Variants in MED13L observed in about 807,000 individuals in gnomAD.
MED13L encodes the protein mediator of RNA polymerase II transcription subunit 13-like.
In MED13L, 7 loss-of-function variants were observed where a neutral mutation model predicts 220.9. The observed-to-expected ratio is 0.03, with a 90% CI of 0.02 to 0.06. The LOEUF is 0.06. Among genes scored for constraint, MED13L ranks in the 10% least tolerant of loss-of-function variants. The pLI is 1.00. For missense variants in MED13L, 1,965 were observed against 2,760.5 expected (o/e 0.71, Z 6.46); for synonymous variants, 1,011 against 1,015.2 (o/e 1.00, Z 0.08).
intron 4 of MED13L, among the ~76,000 whole-genome samples, chr12:116,035,854 G>A (rs967075320): frequency 6.6e-6 from 1 of 152,060 alleles, no homozygotes; most frequent in Non-Finnish European, 1.5e-5. Flanking sequence ...TGGGATTACA[G>A]ACCTGAGCCA....
At chr12:116,192,699 A>C (rs1881359415) in intron 2 of MED13L, among the ~76,000 whole-genome samples, 1 of 152,204 alleles carries the variant, frequency 6.6e-6, no homozygotes, top group Non-Finnish European at 1.5e-5. Flanking sequence ...AATTAAAAAA[A>C]CAACCCTGAC....
At chr12:116,206,278 A>C (rs1882324571) in intron 2 of MED13L, among the ~76,000 whole-genome samples, 1 of 151,828 alleles carries the variant, frequency 6.6e-6, no homozygotes, top group Admixed American at 6.6e-5. Context: ...ACGGTGTTTC[A>C]CCGTGTTGGC....
intron 2 of MED13L, among the ~76,000 whole-genome samples, chr12:116,232,780 TTG>T (rs972509070): frequency 2.0e-5 from 3 of 152,150 alleles, no homozygotes; most frequent in African/African-American, 7.2e-5. Context: ...GGCGAGAATA[TTG>T]TGTTTATTTA....
chr12:116,181,568 C>A (rs111774150), intron 2 of MED13L, among the ~76,000 whole-genome samples: 2 of 152,234 alleles, frequency 1.3e-5, no homozygotes, highest in African/African-American at 4.8e-5. Flanking sequence ...AGTGCAATGG[C>A]GTGATCTCGG....
intron 1 of MED13L, among the ~76,000 whole-genome samples, chr12:116,264,425 G>C (rs1872697941): frequency 6.6e-6 from 1 of 152,128 alleles, no homozygotes; most frequent in Admixed American, 6.5e-5. Context: ...TAAAATGATT[G>C]CTGCAATCAA....
At chr12:116,230,609 C>G (rs1334063164) in intron 2 of MED13L, 8 of 319,130 alleles carry the variant, frequency 2.5e-5, no homozygotes, top group Non-Finnish European at 3.6e-5. Context: ...CAATGACTCA[C>G]AAATTTAATA....
In MED13L at chr12:115,983,254, T is replaced by C. The variant is rs1364273549; in HGVS notation, c.4818A>G (p.Gly1606=). The C allele has an allele frequency of 1.9e-6, 3 of 1,614,116 alleles. No homozygotes were observed. In the Admixed American group the frequency reaches 5.0e-5, roughly 27 times the overall value. The change falls in exon 21 of 31, where the codon GGA becomes GGG. Residue 1606 remains glycine (G), a synonymous_variant. Transcript: ENST00000281928. The stretch of plus-strand genomic sequence containing the variant: ...TCTGCCCTCCAACACTACCACTGAA[T>C]CCTGAAGAAGAGGTAGTGCTTATCT... ...ISQISTTSSS[G]FSGSVGGQNP...
At chr12:116,209,420 A>AG (rs1223652340) in intron 2 of MED13L, among the ~76,000 whole-genome samples, 1 of 152,204 alleles carries the variant, frequency 6.6e-6, no homozygotes, top group Non-Finnish European at 1.5e-5. Flanking sequence ...CACATGTGCT[A>AG]GAACATATAT....
At chr12:116,100,010 C>A (rs551567271) in intron 3 of MED13L, among the ~76,000 whole-genome samples, 5 of 152,230 alleles carry the variant, frequency 3.3e-5, no homozygotes, top group Non-Finnish European at 7.4e-5. Flanking sequence ...TCTCTGTGAT[C>A]AATGATTTCC....
chr12:116,122,585 T>C (rs1875195781), intron 2 of MED13L, among the ~76,000 whole-genome samples: 1 of 152,166 alleles, frequency 6.6e-6, no homozygotes, highest in South Asian at 2.1e-4. Context: ...ATAAGAATCA[T>C]GGATAGAAGA....
intron 2 of MED13L, among the ~76,000 whole-genome samples, chr12:116,234,485 C>T (rs1208225882): frequency 6.6e-6 from 1 of 152,024 alleles, no homozygotes; most frequent in Non-Finnish European, 1.5e-5. Flanking sequence ...CTGCCTAGGC[C>T]TCCCAAAGTG....
chr12:116,049,080 C>T (rs1882004198), intron 4 of MED13L, among the ~76,000 whole-genome samples: 1 of 152,192 alleles, frequency 6.6e-6, no homozygotes, highest in Admixed American at 6.5e-5. Flanking sequence ...TTCTACTAGA[C>T]ATATGCTGAC....
intron 2 of MED13L, among the ~76,000 whole-genome samples, chr12:116,122,101 A>T (rs573521911): frequency 9.5e-5 from 14 of 147,678 alleles, no homozygotes; most frequent in African/African-American, 3.3e-4. Flanking sequence ...CGTAGTGTTT[A>T]AAAAAAAAAA....
chr12:116,041,958 C>A (rs916682580), intron 4 of MED13L, among the ~76,000 whole-genome samples: 2 of 152,162 alleles, frequency 1.3e-5, no homozygotes, highest in African/African-American at 4.8e-5. Context: ...GGAGACAACT[C>A]AGGAGAGAGA....
At chr12:115,973,065 C>T (rs554081309) in intron 25 of MED13L, among the ~76,000 whole-genome samples, 1 of 152,300 alleles carries the variant, frequency 6.6e-6, no homozygotes, top group African/African-American at 2.4e-5. Context: ...CATTTCTCCC[C>T]TTAAAGAGCA....
intron 2 of MED13L, among the ~76,000 whole-genome samples, chr12:116,131,593 G>A (rs1454045617): frequency 6.6e-6 from 1 of 152,066 alleles, no homozygotes; most frequent in African/African-American, 2.4e-5. Flanking sequence ...AACTCTCTAG[G>A]TTTTAGGTTC....
chr12:116,046,568 G>C (rs1239191797), intron 4 of MED13L, among the ~76,000 whole-genome samples: 1 of 152,146 alleles, frequency 6.6e-6, no homozygotes, highest in African/African-American at 2.4e-5. Flanking sequence ...AAAGATATTT[G>C]CTTCAATTTG....
At chr12:116,018,897 T>TAA (rs1303750002) in intron 7 of MED13L, among the ~76,000 whole-genome samples, 15 of 111,650 alleles carry the variant, frequency 1.3e-4, no homozygotes, top group South Asian at 1.1e-3. Context: ...TGTTCAAAAT[T>TAA]AAAAAAAAAA....
intron 4 of MED13L, among the ~76,000 whole-genome samples, chr12:116,024,567 T>TC (rs1880254486): frequency 6.6e-6 from 1 of 152,174 alleles, no homozygotes; most frequent in Non-Finnish European, 1.5e-5. Flanking sequence ...TTTTCTCCTA[T>TC]TCTGTGGGTT....
Sources: gnomAD v4.1 joint callset for allele counts (sites outside exome capture counted in the v4.1 genomes callset) on GRCh38, gnomAD v4.1.1 for gene constraint, MANE v1.5 for transcripts, NCBI Gene and HGNC (gene_info 2026-07-23, HGNC 2026-07-21) for gene names.